WDR62: variants seen among roughly 807,000 people sequenced by gnomAD.
WDR62 encodes the protein WD repeat-containing protein 62.
In WDR62, 112 loss-of-function variants were observed where a neutral mutation model predicts 160.6. The ratio of observed to expected loss-of-function variants is 0.70; its 90% confidence interval spans 0.60 to 0.82. The LOEUF is 0.82. Among genes scored for constraint, WDR62 ranks in the 40% least tolerant of loss-of-function variants. The pLI is 0.00. For synonymous variants in WDR62, 792 were observed against 815.1 expected, an observed-to-expected ratio of 0.97 and a Z score of 0.48; for missense variants, 1,819 against 1,983.8, an observed-to-expected ratio of 0.92 and a Z score of 1.58.
intron 24 of WDR62, 163 bp from the exon 25 acceptor site, chr19:36,101,501 C>A: frequency 1.3e-6 from 1 of 788,922 alleles, no homozygotes; most frequent in Non-Finnish European, 2.2e-6. Flanking sequence ...CCCAGCTCTG[C>A]CACCTCCTTG....
intron 8 of WDR62, 45 bp downstream of exon 8, chr19:36,071,761 T>C (rs1971313367): frequency 6.3e-7 from 1 of 1,591,018 alleles, no homozygotes; most frequent in East Asian, 2.2e-5. Context: ...CCACCCAGAG[T>C]CTGTCCACTG....
rs779745101 is a variant in WDR62, at chr19:36,086,826, T to C, written c.1768+14T>C. 37 of 1,608,144 alleles carry C rather than the reference T, an allele frequency of 2.3e-5. No individual in the cohort carries two copies. The Admixed American group carries it at 3.4e-4, about 15-fold the overall frequency. ...TCAAGTTCGCTGGTGAGCCCCTTTC[T>C]TCCCGCTCCCTGCGCCTTGCTAGCT... On this transcript the variant is annotated intron_variant, in intron 13 of 31. Coordinates refer to ENST00000401500, the MANE Select transcript of WDR62 (RefSeq NM_001083961.2).
At position 36,055,135 on chromosome 19, in the gene WDR62, C is replaced by T; in HGVS notation, c.164C>T (p.Thr55Met). 1 of 1,608,348 alleles carries T rather than the reference C, an allele frequency of 6.2e-7. No homozygotes were observed. The highest frequency in any genetic ancestry group is 8.5e-7 in the Non-Finnish European group (1 of 1,178,326). Residue 55 changes from threonine (T) to methionine (M), a missense_variant, in exon 1 of 32, where the codon ACG becomes ATG. Thr to Met is a moderately conservative substitution (Grantham distance 81, BLOSUM62 -1). Coordinates refer to ENST00000401500, the MANE Select transcript of WDR62 (RefSeq NM_001083961.2). ...RTRLSTASEE[T>M]VQNRVSLEKV... ...CGACTCTCGACGGCCTCCGAGGAGA[C>T]GGTGCAGAACCGGGTGAGAAGCTGC...
chr19:36,077,568 C>T (rs1971646909), intron 9 of WDR62, among the ~76,000 whole-genome samples: 1 of 151,850 alleles, frequency 6.6e-6, no homozygotes, highest in Non-Finnish European at 1.5e-5. Flanking sequence ...GCATGAGCCA[C>T]CATGCCAGGC....
chr19:36,072,848 G>A (rs977705685), intron 8 of WDR62, among the ~76,000 whole-genome samples: 1 of 152,144 alleles, frequency 6.6e-6, no homozygotes, highest in Non-Finnish European at 1.5e-5. Flanking sequence ...AGCTCTTATT[G>A]TGGTTGTGAG....
At chr19:36,094,417 G>T (rs1317402243) in intron 20 of WDR62, among the ~76,000 whole-genome samples, 1 of 151,898 alleles carries the variant, frequency 6.6e-6, no homozygotes, top group Non-Finnish European at 1.5e-5. Context: ...AGCCGGGCGT[G>T]GTGGCGTGCA....
chr19:36,104,983 G>A lies in WDR62; in HGVS notation c.4527G>A (p.Ser1509=), dbSNP rs374574870. 7.0e-5 allele frequency: 112 copies of A among 1,603,814 alleles called. No homozygotes were observed. The highest frequency in any genetic ancestry group is 2.4e-4 in the South Asian group (22 of 90,160). The part of the protein sequence containing the change: ...PDLQALLEHY[S]ELLVQAVRRK... ...TGCAGGCCCTGCTGGAACACTACTC[G>A]GAGCTGCTGGTGCAGGCCGTGCGGA... The change falls in exon 32 of 32, where the codon TCG becomes TCA. Residue 1509 remains serine, a synonymous_variant. Coordinates refer to ENST00000401500, the MANE Select transcript of WDR62 (RefSeq NM_001083961.2).
chr19:36,088,719 C>T (rs1972405123), intron 13 of WDR62, among the ~76,000 whole-genome samples: 1 of 152,238 alleles, frequency 6.6e-6, no homozygotes, highest in Admixed American at 6.5e-5. Context: ...CTGCTGCAGT[C>T]CTGCCTCTAC....
intron 19 of WDR62, 109 bp downstream of exon 19, chr19:36,092,920 A>T: frequency 2.0e-6 from 3 of 1,520,562 alleles, no homozygotes; most frequent in Non-Finnish European, 2.7e-6. Flanking sequence ...CCCTGCCCTT[A>T]GCACACTCAC....
At chr19:36,105,233 C>A, downstream of WDR62, 1 of 659,910 alleles carries the variant, frequency 1.5e-6, no homozygotes, top group Non-Finnish European at 2.6e-6. Context: ...CCAGCGCTCC[C>A]AAGAAGTTCA....
At chr19:36,068,982 G>A (rs1182127486) in intron 7 of WDR62, among the ~76,000 whole-genome samples, 2 of 151,382 alleles carry the variant, frequency 1.3e-5, no homozygotes, top group African/African-American at 4.9e-5. Flanking sequence ...CAGGGCGGAG[G>A]CGGACCCCCA....
chr19:36,099,969 G>T (rs1385695035), intron 22 of WDR62, among the ~76,000 whole-genome samples: 1 of 152,154 alleles, frequency 6.6e-6, no homozygotes, highest in Non-Finnish European at 1.5e-5. Flanking sequence ...GTCATAATGG[G>T]GTCAGGGGCA....
At chr19:36,083,326 G>A in intron 11 of WDR62, 85 bp downstream of exon 11, 1 of 1,350,142 alleles carries the variant, frequency 7.4e-7, no homozygotes, top group South Asian at 1.3e-5. Context: ...CCTGGCCTTG[G>A]CACCTCCTGC....
Position 36,055,066 on chromosome 19 carries a change from C to T in WDR62, c.95C>T (p.Ser32Phe). 1.3e-6 allele frequency: 2 copies of T among 1,594,844 alleles called. No individual in the cohort carries two copies. The highest frequency in any genetic ancestry group is 1.7e-6 in the Non-Finnish European group (2 of 1,172,206). The change falls in exon 1 of 32, where the codon TCC (serine) becomes TTC (phenylalanine). Residue 32 changes from serine (S) to phenylalanine (F), a missense_variant. Around this residue, in one of 3 missense-constraint regions of WDR62, gnomAD observed 115 missense variants for 92.4 expected, o/e 1.24. Transcript: ENST00000401500. ...MAGVPARRGQ[S>F]SPPPAPPICL... is the part of the protein sequence containing the mutation. ...GGAGTTCCGGCGCGGAGGGGCCAGT[C>T]CTCCCCGCCCCCCGCCCCACCAATC...
At chr19:36,076,824 G>A (rs936896562) in intron 9 of WDR62, among the ~76,000 whole-genome samples, 3 of 152,062 alleles carry the variant, frequency 2.0e-5, no homozygotes, top group Non-Finnish European at 4.4e-5. Flanking sequence ...TAATGCATAT[G>A]TTCTCTCTGT....
intron 3 of WDR62, chr19:36,060,936 T>C (rs1970613587): frequency 6.6e-6 from 1 of 152,272 alleles, no homozygotes; most frequent in Non-Finnish European, 1.5e-5. Context: ...GCTATAAGTT[T>C]ACTGGGGAAG....
intron 12 of WDR62, among the ~76,000 whole-genome samples, chr19:36,086,240 T>C (rs1338875448): frequency 6.6e-6 from 1 of 152,048 alleles, no homozygotes; most frequent in Non-Finnish European, 1.5e-5. Flanking sequence ...TAGGGAAGGC[T>C]GGTGGCAGAT....
chr19:36,095,852 C>A (rs966710678), intron 20 of WDR62, among the ~76,000 whole-genome samples: 2 of 152,212 alleles, frequency 1.3e-5, no homozygotes, highest in African/African-American at 4.8e-5. Context: ...TGTCCGGAAT[C>A]TTTTTCCTCT....
chr19:36,074,753 G>GT (rs1442436079), intron 9 of WDR62, among the ~76,000 whole-genome samples: 3 of 152,068 alleles, frequency 2.0e-5, no homozygotes, highest in Non-Finnish European at 4.4e-5. Flanking sequence ...CTCAAAGAAT[G>GT]TTTTTTAATA....
Sources: gnomAD v4.1 joint callset for allele counts (sites outside exome capture counted in the v4.1 genomes callset) on GRCh38, gnomAD v4.1.1 for gene constraint, gnomAD v4.1.1 regional missense constraint, MANE v1.5 for transcripts, NCBI Gene and HGNC (gene_info 2026-07-23, HGNC 2026-07-21) for gene names.